ZNF614: variants seen among roughly 807,000 people sequenced by gnomAD.
ZNF614 encodes the protein zinc finger protein 614.
A neutral mutation model predicts 12.8 loss-of-function variants in ZNF614; 11 were observed. That is an observed-to-expected ratio of 0.86 (90% CI 0.54 to 1.43). The LOEUF (loss-of-function observed/expected upper bound fraction) is 1.43, where lower values mean the gene tolerates loss of function less well. ZNF614 is among the 40% of genes most tolerant of loss of function. The pLI is 0.00. For missense variants in ZNF614, 664 were observed against 708.8 expected, an observed-to-expected ratio of 0.94 and a Z score of 0.72; for synonymous variants, 237 against 237.5, an observed-to-expected ratio of 1.00 and a Z score of 0.02.
At position 52,028,319 on chromosome 19, in the gene ZNF614, C is replaced by G. The variant is rs1160840525; in HGVS notation, c.-294G>C. On this transcript the variant is annotated 5_prime_UTR_variant, in exon 1 of 5. Transcript: ENST00000270649. Reference sequence around the variant, plus strand: ...CGTCCGAAAACGCTTCCTATTCAGACGCGCTCCTGCGCGGACTCCGGGAAG... The same window carrying G: ...CGTCCGAAAACGCTTCCTATTCAGAGGCGCTCCTGCGCGGACTCCGGGAAG... 2 of 152,078 alleles carry G rather than the reference C, an allele frequency of 1.3e-5. No individual in the cohort carries two copies. Among genetic ancestry groups the G allele is most frequent in the African/African-American group, 2.4e-5 (1 of 41,418 alleles). The allele number at this position is 152,078 out of a possible 1,614,324, so 9.4% of individuals were successfully genotyped here. A position where few individuals can be genotyped will look rare whatever the true frequency, so the allele number is the denominator to read the frequency against.
intron 2 of ZNF614, among the ~76,000 whole-genome samples, chr19:52,024,902 G>T (rs2086961331): frequency 6.6e-6 from 1 of 152,144 alleles, no homozygotes; most frequent in Non-Finnish European, 1.5e-5. Context: ...TGACACCGGG[G>T]GATACCCGTA....
At chr19:52,018,757 G>A (rs1221828134) in intron 2 of ZNF614, among the ~76,000 whole-genome samples, 1 of 152,132 alleles carries the variant, frequency 6.6e-6, no homozygotes, top group Non-Finnish European at 1.5e-5. Flanking sequence ...GTCATGAATA[G>A]ACTTCACATC....
intron 1 of ZNF614, among the ~76,000 whole-genome samples, chr19:52,026,454 A>G (rs921856046): frequency 6.6e-6 from 1 of 152,182 alleles, no homozygotes; most frequent in Non-Finnish European, 1.5e-5. Context: ...TGCTTGGTAA[A>G]AGTCATCACC....
chr19:52,023,602 A>C (rs1017687784), intron 2 of ZNF614, among the ~76,000 whole-genome samples: 4 of 152,132 alleles, frequency 2.6e-5, no homozygotes, highest in Non-Finnish European at 5.9e-5. Context: ...GGTGTATCAC[A>C]GGGTTTCCTT....
At chr19:52,019,656 T>A (rs2086922087) in intron 2 of ZNF614, among the ~76,000 whole-genome samples, 1 of 152,180 alleles carries the variant, frequency 6.6e-6, no homozygotes, top group Non-Finnish European at 1.5e-5. Flanking sequence ...TGGAATACAA[T>A]CTTCAAAGTC....
In ZNF614 at chr19:52,015,987, C is replaced by T. The variant is rs2086893583; in HGVS notation, c.1611G>A (p.Arg537=). ...TCTCACAATCACTGCATCCATACGGCCTCTCTCCTGTATGCGTTCTTTGAT... is the reference window on the plus strand; with the variant it reads ...TCTCACAATCACTGCATCCATACGGTCTCTCTCCTGTATGCGTTCTTTGAT... ...NVHQRTHTGE[R]PYGCSDCEKA... The change falls in exon 5 of 5, where the codon AGG becomes AGA. Residue 537 remains arginine, a synonymous_variant. Coordinates refer to ENST00000270649, the MANE Select transcript of ZNF614 (RefSeq NM_025040.4). 6.2e-7 allele frequency: 1 copy of T among 1,614,180 alleles called. No homozygotes were observed. Among genetic ancestry groups the T allele is most frequent in the Non-Finnish European group, 8.5e-7 (1 of 1,180,018 alleles).
intron 2 of ZNF614, among the ~76,000 whole-genome samples, chr19:52,020,547 G>A (rs1417235054): frequency 1.3e-5 from 2 of 152,182 alleles, no homozygotes; most frequent in East Asian, 3.9e-4. Flanking sequence ...CCTAAACTTT[G>A]ATGTCCAGAG....
chr19:52,017,545 T>C (rs963602990), intron 4 of ZNF614, 186 bp from the exon 5 acceptor site: 20 of 545,818 alleles, frequency 3.7e-5, no homozygotes, highest in African/African-American at 3.0e-4. Context: ...CTACTAAAAT[T>C]ACAAAATTAG....
intron 3 of ZNF614, 129 bp from the exon 4 acceptor site, chr19:52,018,232 C>G: frequency 6.8e-7 from 1 of 1,475,850 alleles, no homozygotes; most frequent in Non-Finnish European, 9.4e-7. Context: ...GATTATACCA[C>G]TTTGGGGTCA....
chr19:52,017,258 C>T lies in ZNF614; in HGVS notation c.340G>A (p.Val114Ile). 6.2e-7 allele frequency: 1 copy of T among 1,614,050 alleles called. No homozygotes were observed. The highest frequency in any genetic ancestry group is 1.3e-5 in the African/African-American group (1 of 75,056). The change falls in exon 5 of 5, where the codon GTA (valine) becomes ATA (isoleucine). Residue 114 changes from valine to isoleucine, a missense_variant. Transcript: ENST00000270649. ...GGAAAATGTGTCTTGCTGAGATGTA[C>T]AATATTTCTAAGTGTATTCTGTCCA... is the stretch of plus-strand genomic sequence containing the variant. The part of the protein sequence containing the change: ...CNGQNTLRNI[V>I]HLSKTHFPIV...
At chr19:52,019,690 C>T (rs1486328088) in intron 2 of ZNF614, among the ~76,000 whole-genome samples, 1 of 152,112 alleles carries the variant, frequency 6.6e-6, no homozygotes, top group Admixed American at 6.6e-5. Flanking sequence ...CAAAAAAGGC[C>T]AATTTTGGAA....
Position 52,016,981 on chromosome 19 carries a change from G to C in ZNF614, c.617C>G (p.Ala206Gly), listed in dbSNP as rs1568513941. The change falls in exon 5 of 5, where the codon GCA becomes GGA. Residue 206 changes from alanine to glycine, a missense_variant. Ala to Gly is a moderately conservative substitution (Grantham distance 60). Coordinates refer to ENST00000270649, the MANE Select transcript of ZNF614 (RefSeq NM_025040.4). ...GAAGGTTTGCTCACATTCAATGCATGCATGGGGTTTCTCAATTTTCTGAGT... is the reference window on the plus strand; with the variant it reads ...GAAGGTTTGCTCACATTCAATGCATCCATGGGGTTTCTCAATTTTCTGAGT... ...QRTQKIEKPH[A>G]CIECEQTFLR... 4 of 1,613,882 alleles carry C rather than the reference G, an allele frequency of 2.5e-6. No individual in the cohort carries two copies. Among genetic ancestry groups the C allele is most frequent in the Non-Finnish European group, 3.4e-6 (4 of 1,180,018 alleles).
At chr19:52,026,989 G>A (rs767561222) in intron 1 of ZNF614, among the ~76,000 whole-genome samples, 3 of 152,234 alleles carry the variant, frequency 2.0e-5, no homozygotes, top group Non-Finnish European at 2.9e-5. Flanking sequence ...GGTAGAGATA[G>A]TGATCAATAA....
chr19:52,018,312 G>C, intron 3 of ZNF614, 56 bp downstream of exon 3: 2 of 1,612,324 alleles, frequency 1.2e-6, no homozygotes, highest in East Asian at 4.5e-5. Flanking sequence ...GGTGAGCATA[G>C]GACGGTGTCT....
At chr19:52,026,834 C>T (rs1234553757) in intron 1 of ZNF614, among the ~76,000 whole-genome samples, 1 of 152,212 alleles carries the variant, frequency 6.6e-6, no homozygotes, top group African/African-American at 2.4e-5. Flanking sequence ...CTTTATTGTA[C>T]CGAAATGTTT....
intron 4 of ZNF614, chr19:52,017,793 A>G (rs1159461678): frequency 2.2e-6 from 1 of 458,978 alleles, no homozygotes; most frequent in Non-Finnish European, 3.8e-6. Flanking sequence ...AAAGGAAATT[A>G]TGAAGATATA....
intron 2 of ZNF614, among the ~76,000 whole-genome samples, chr19:52,021,190 G>C (rs1467582649): frequency 6.6e-6 from 1 of 152,102 alleles, no homozygotes; most frequent in African/African-American, 2.4e-5. Context: ...TCTCATTCTG[G>C]AAATGAATCC....
At chr19:52,023,727 T>C (rs1448953042) in intron 2 of ZNF614, among the ~76,000 whole-genome samples, 1 of 152,216 alleles carries the variant, frequency 6.6e-6, no homozygotes, top group African/African-American at 2.4e-5. Context: ...ACTTTCTATA[T>C]ACCAGACTGT....
Position 52,017,270 on chromosome 19 carries a change from G to C in ZNF614, c.328C>G (p.Leu110Val). ...TTGCTGAGATGTACAATATTTCTAA[G>C]TGTATTCTGTCCATTGCATTGCTGC... is the stretch of plus-strand genomic sequence containing the variant. ...SVQQCNGQNT[L>V]RNIVHLSKTH... is the part of the protein sequence containing the mutation. The change falls in exon 5 of 5, where the codon CTT becomes GTT. Residue 110 changes from leucine (L) to valine (V), a missense_variant. Physicochemically the swap from Leu to Val is conservative, Grantham distance 32. Coordinates refer to ENST00000270649, the MANE Select transcript of ZNF614 (RefSeq NM_025040.4). The C allele has an allele frequency of 6.2e-7, 1 of 1,614,004 alleles. No individual in the cohort carries two copies. The highest frequency in any genetic ancestry group is 8.5e-7 in the Non-Finnish European group (1 of 1,180,042).
Sources: gnomAD v4.1 joint callset for allele counts (sites outside exome capture counted in the v4.1 genomes callset) on GRCh38, gnomAD v4.1.1 for gene constraint, MANE v1.5 for transcripts, NCBI Gene and HGNC (gene_info 2026-07-23, HGNC 2026-07-21) for gene names.